JARID2: variants seen among roughly 807,000 people sequenced by gnomAD.
JARID2 encodes the protein jumonji and AT-rich interaction domain containing 2, also known as protein Jumonji.
JARID2 carries 21 observed loss-of-function variants against 125.6 expected under a neutral mutation model. The observed-to-expected ratio is 0.17, with a 90% CI of 0.12 to 0.24. JARID2 has a LOEUF of 0.24. Ranked by LOEUF, JARID2 falls within the 10% of genes least tolerant of loss-of-function variation. The pLI is 1.00. For synonymous variants in JARID2, 736 were observed against 661.6 expected (o/e 1.11, Z -1.73); for missense variants, 1,303 against 1,639.6 (o/e 0.79, Z 3.55).
chr6:15,249,282 A>C (rs1376138656), intron 1 of JARID2, among the ~76,000 whole-genome samples: 1 of 152,162 alleles, frequency 6.6e-6, no homozygotes, highest in African/African-American at 2.4e-5. Context: ...TTTCATGATG[A>C]TGCTGCACAG....
chr6:15,298,732 T>G (rs1761498911), intron 1 of JARID2, among the ~76,000 whole-genome samples: 1 of 151,858 alleles, frequency 6.6e-6, no homozygotes, highest in Non-Finnish European at 1.5e-5. Flanking sequence ...TTTGTTAACT[T>G]TCTGTTATTT....
At chr6:15,372,146 G>T (rs910943987) in intron 1 of JARID2, among the ~76,000 whole-genome samples, 2 of 152,186 alleles carry the variant, frequency 1.3e-5, no homozygotes, top group African/African-American at 4.8e-5. Flanking sequence ...GAACGTAAGT[G>T]CTGGAGGAGA....
chr6:15,303,098 T>C (rs1462885260), intron 1 of JARID2, among the ~76,000 whole-genome samples: 1 of 152,208 alleles, frequency 6.6e-6, no homozygotes, highest in African/African-American at 2.4e-5. Context: ...TTCGAAGTTA[T>C]GCCAGGAATT....
chr6:15,484,661 C>T (rs532053699), intron 5 of JARID2, among the ~76,000 whole-genome samples: 40 of 152,248 alleles, frequency 2.6e-4, no homozygotes, highest in African/African-American at 9.4e-4. Flanking sequence ...ATAACTTGCC[C>T]AGCTGCAAAC....
intron 5 of JARID2, among the ~76,000 whole-genome samples, chr6:15,474,647 A>G (rs536901688): frequency 6.6e-6 from 1 of 152,268 alleles, no homozygotes; most frequent in East Asian, 1.9e-4. Flanking sequence ...TATCATGGGC[A>G]GCAGTAGAGC....
At position 15,504,686 on chromosome 6, in the gene JARID2, G is replaced by A. The variant is rs532927060; in HGVS notation, c.2541+94G>A. The A allele has an allele frequency of 8.6e-5, 68 of 794,662 alleles. 1 individual carries two copies. Among genetic ancestry groups the A allele is most frequent in the South Asian group, 5.7e-4 (40 of 70,188 alleles). The allele number at this position is 794,662 out of a possible 1,614,324, so 49.2% of individuals were successfully genotyped here. A position where few individuals can be genotyped will look rare whatever the true frequency, so the allele number is the denominator to read the frequency against. On this transcript the variant is annotated intron_variant, in intron 9 of 17. Coordinates refer to ENST00000341776, the MANE Select transcript of JARID2 (RefSeq NM_004973.4). ...TGTCCTGCCCTGACCCCTGCAGCTCGGTGAACGGAAAGGACTCAGATGGGG... is the reference window on the plus strand; with the variant it reads ...TGTCCTGCCCTGACCCCTGCAGCTCAGTGAACGGAAAGGACTCAGATGGGG...
In JARID2 at chr6:15,450,461, C is replaced by G. The variant is rs532176022; in HGVS notation, c.324-1545C>G. Among the ~76,000 whole-genome samples the G allele has an allele frequency of 5.3e-5, 8 of 152,262 alleles. No homozygotes were observed. In the East Asian group the frequency reaches 1.3e-3, roughly 26 times the overall value. ...CTAGGATTACAGGGATGAACCACTG[C>G]GCCCGGCACTTATTTAGTTTTATTA... On this transcript the variant is annotated intron_variant, in intron 3 of 17. Coordinates refer to ENST00000341776, the MANE Select transcript of JARID2 (RefSeq NM_004973.4).
intron 1 of JARID2, among the ~76,000 whole-genome samples, chr6:15,255,630 A>G (rs891790140): frequency 6.6e-6 from 1 of 151,928 alleles, no homozygotes; most frequent in Non-Finnish European, 1.5e-5. Context: ...GTGGTAGTGT[A>G]TTATCTGTTG....
chr6:15,457,776 G>A (rs1167258166), intron 4 of JARID2, among the ~76,000 whole-genome samples: 1 of 152,094 alleles, frequency 6.6e-6, no homozygotes, highest in South Asian at 2.1e-4. Context: ...TTGAGATGGG[G>A]AGGAAAAACC....
At chr6:15,290,812 A>G (rs1432972506) in intron 1 of JARID2, among the ~76,000 whole-genome samples, 1 of 152,028 alleles carries the variant, frequency 6.6e-6, no homozygotes, top group Non-Finnish European at 1.5e-5. Context: ...AGTAGAGATG[A>G]GGTTTCACCA....
chr6:15,428,655 T>C (rs1333322043), intron 3 of JARID2, among the ~76,000 whole-genome samples: 1 of 152,148 alleles, frequency 6.6e-6, no homozygotes, highest in East Asian at 1.9e-4. Context: ...CCTGTAATCC[T>C]AGCACTTTGA....
chr6:15,281,140 G>C (rs560043357), intron 1 of JARID2, among the ~76,000 whole-genome samples: 1 of 152,134 alleles, frequency 6.6e-6, no homozygotes, highest in Non-Finnish European at 1.5e-5. Context: ...GTGTATAAGC[G>C]TGGGAGAGCC....
intron 4 of JARID2, among the ~76,000 whole-genome samples, chr6:15,464,196 T>C (rs562416958): frequency 6.6e-6 from 1 of 152,348 alleles, no homozygotes; most frequent in African/African-American, 2.4e-5. Context: ...GCTTCATTTT[T>C]ACCAATTCTG....
At chr6:15,409,693 T>G (rs1000301810) in intron 2 of JARID2, among the ~76,000 whole-genome samples, 3 of 152,202 alleles carry the variant, frequency 2.0e-5, no homozygotes, top group African/African-American at 7.2e-5. Context: ...GCAAATCCGG[T>G]TACAATCTAA....
chr6:15,248,209 C>G, intron 1 of JARID2: 1 of 538,266 alleles, frequency 1.9e-6, no homozygotes, highest in Non-Finnish European at 2.4e-6. Context: ...CGTCCTCGAG[C>G]CGGCTGCGAA....
At chr6:15,278,983 G>A (rs778092617) in intron 1 of JARID2, among the ~76,000 whole-genome samples, 2 of 151,814 alleles carry the variant, frequency 1.3e-5, no homozygotes, top group Non-Finnish European at 2.9e-5. Flanking sequence ...AGAATCTCAA[G>A]CTCAGGTTGA....
At chr6:15,296,951 C>G (rs919687331) in intron 1 of JARID2, among the ~76,000 whole-genome samples, 4 of 152,240 alleles carry the variant, frequency 2.6e-5, no homozygotes, top group African/African-American at 9.6e-5. Context: ...TGGCTTCCTG[C>G]TTACATCCTG....
rs181550486 is a variant in JARID2, at chr6:15,252,318, T to A, written c.45+5734T>A. On this transcript the variant is annotated intron_variant, in intron 1 of 17. Coordinates refer to ENST00000341776, the MANE Select transcript of JARID2 (RefSeq NM_004973.4). ...AATGTTAGGGAATACCTTTTTTTTT[T>A]AAAAATTGTTTGTTATCTAACAAAC... Among the ~76,000 whole-genome samples, 854 of 152,046 alleles carry A rather than the reference T, an allele frequency of 5.6e-3. 5 individuals carry two copies. Among genetic ancestry groups the A allele is most frequent in the African/African-American group, 0.013 (520 of 41,482 alleles).
chr6:15,267,084 A>G (rs896272062), intron 1 of JARID2, among the ~76,000 whole-genome samples: 1 of 152,194 alleles, frequency 6.6e-6, no homozygotes, highest in Non-Finnish European at 1.5e-5. Context: ...GGTTTGGGTT[A>G]ATGCTGACAT....
Sources: allele counts gnomAD v4.1 joint callset (sites outside exome capture counted in the v4.1 genomes callset), GRCh38; gene constraint gnomAD v4.1.1; transcripts MANE v1.5; gene names NCBI Gene and HGNC (gene_info 2026-07-23, HGNC 2026-07-21).